UGT1A8: variants seen among roughly 807,000 people sequenced by gnomAD.
The protein encoded by UGT1A8 is UDP-glucuronosyltransferase 1A8.
Under a neutral mutation model 45.3 loss-of-function variants are expected in UGT1A8, and 39 were observed. The ratio of observed to expected loss-of-function variants is 0.86; its 90% CI spans 0.67 to 1.12. The LOEUF is 1.12. Ranked by LOEUF, UGT1A8 falls within the 50% of genes most tolerant of loss-of-function variation. The pLI, the probability that UGT1A8 is intolerant of heterozygous loss-of-function variation, is 0.00. For missense variants in UGT1A8, 719 were observed against 664.9 expected (o/e 1.08, Z -0.90); for synonymous variants, 275 against 249.2 (o/e 1.10, Z -0.97).
chr2:233,656,033 C>CCAGAGA (rs1364405222), intron 1 of UGT1A8, among the ~76,000 whole-genome samples: 1 of 152,000 alleles, frequency 6.6e-6, no homozygotes, highest in Admixed American at 6.6e-5. Context: ...CTGGCAAATA[C>CCAGAGA]CAGAGACAGG....
intron 1 of UGT1A8, among the ~76,000 whole-genome samples, chr2:233,620,403 T>G (rs2072979809): frequency 6.6e-6 from 1 of 152,194 alleles, no homozygotes; most frequent in Non-Finnish European, 1.5e-5. Flanking sequence ...TGTGAGGCTC[T>G]GCCACTTCCT....
intron 1 of UGT1A8, among the ~76,000 whole-genome samples, chr2:233,658,909 T>C (rs901301616): frequency 6.6e-6 from 1 of 152,238 alleles, no homozygotes; most frequent in Non-Finnish European, 1.5e-5. Flanking sequence ...TTTTCAAAGT[T>C]GTTTTTGCTA....
rs1191326510 is a variant in UGT1A8, at chr2:233,652,606, C to T, written c.855+34044C>T. On this transcript the variant is annotated intron_variant, in intron 1 of 4. Transcript: ENST00000373450. ...GCATAATGAAATTTCCCCTAATTGT[C>T]TCAAAAATGTCTTGTACATGCAGAT... Among the ~76,000 whole-genome samples, 8 of 152,136 alleles carry T rather than the reference C, an allele frequency of 5.3e-5. No homozygotes were observed. The East Asian group carries it at 1.5e-3, about 29-fold the overall frequency.
intron 1 of UGT1A8, among the ~76,000 whole-genome samples, chr2:233,702,170 C>T (rs970119817): frequency 7.2e-5 from 11 of 152,194 alleles, no homozygotes; most frequent in African/African-American, 1.4e-4. Flanking sequence ...AGTCACTCTT[C>T]TTTCTCTCCT....
chr2:233,769,433 A>G lies in UGT1A8; in HGVS notation c.1295+994A>G. The G allele has an allele frequency of 6.5e-7, 1 of 1,549,602 alleles. No homozygotes were observed. Among genetic ancestry groups the G allele is most frequent in the Non-Finnish European group, 8.9e-7 (1 of 1,128,216 alleles). ...TGCGTTTGTGCATGTGGCTGTGCTC[A>G]TGTGTGGGTGCACACGTGTGCATTC... is the stretch of plus-strand genomic sequence containing the variant. On this transcript the variant is annotated intron_variant, in intron 4 of 4. Coordinates refer to ENST00000373450, the MANE Select transcript of UGT1A8 (RefSeq NM_019076.5). This position sits in a 1 kb window ranked among gnomAD's most constrained non-coding sequence, Gnocchi z 4.4.
chr2:233,642,521 C>G (rs764178455), intron 1 of UGT1A8, among the ~76,000 whole-genome samples: 9 of 152,176 alleles, frequency 5.9e-5, no homozygotes, highest in Non-Finnish European at 1.0e-4. Context: ...GTCCCTGGCA[C>G]CTTATTTAAT....
chr2:233,724,899 C>G lies in UGT1A8; in HGVS notation c.856-42135C>G, dbSNP rs1488264154. On this transcript the variant is annotated intron_variant, in intron 1 of 4. Transcript: ENST00000373450. ...CGGAGATCACGCCACTGCACTCCAGCCTGGGCACCATTGAGCACTGAGTGA... is the reference window on the plus strand; with the variant it reads ...CGGAGATCACGCCACTGCACTCCAGGCTGGGCACCATTGAGCACTGAGTGA... Among the ~76,000 whole-genome samples the G allele has an allele frequency of 2.9e-5, 4 of 138,200 alleles. No homozygotes were observed. In the East Asian group the frequency reaches 8.6e-4, roughly 30 times the overall value. The allele number at this position is 138,200 out of a possible 152,430, so 90.7% of individuals were successfully genotyped here.
intron 1 of UGT1A8, among the ~76,000 whole-genome samples, chr2:233,632,513 A>C (rs567672654): frequency 7.2e-5 from 11 of 152,112 alleles, no homozygotes; most frequent in Non-Finnish European, 1.0e-4. Flanking sequence ...TATTTACTTG[A>C]GCAGTGGTTT....
chr2:233,753,656 A>G (rs554176629), intron 1 of UGT1A8: 2 of 152,198 alleles, frequency 1.3e-5, no homozygotes, highest in Non-Finnish European at 2.9e-5. Flanking sequence ...TACTTTCTCA[A>G]TTGTGTGTAT....
Position 233,655,652 on chromosome 2 carries a change from A to G in UGT1A8, c.855+37090A>G, listed in dbSNP as rs116013722. Among the ~76,000 whole-genome samples the G allele has an allele frequency of 1.8e-3, 278 of 151,994 alleles. 4 individuals carry two copies. Among genetic ancestry groups the G allele is most frequent in the African/African-American group, 6.3e-3 (262 of 41,470 alleles). On this transcript the variant is annotated intron_variant, in intron 1 of 4. Transcript: ENST00000373450. ...CACAGACTCTTCTCTTGTAGGGGAT[A>G]TGGGGGTGGGTGATCACTGTCCTGG...
intron 1 of UGT1A8, among the ~76,000 whole-genome samples, chr2:233,650,491 A>G (rs2073712304): frequency 6.6e-6 from 1 of 152,168 alleles, no homozygotes; most frequent in African/African-American, 2.4e-5. Flanking sequence ...AGCAAGATGA[A>G]TTGTTTCCTT....
At chr2:233,624,289 T>G (rs1166991730) in intron 1 of UGT1A8, among the ~76,000 whole-genome samples, 1 of 152,112 alleles carries the variant, frequency 6.6e-6, no homozygotes. Flanking sequence ...ACTTTCCTTG[T>G]TTTTGGTGAC....
chr2:233,632,497 C>T (rs1458361530), intron 1 of UGT1A8, among the ~76,000 whole-genome samples: 1 of 152,070 alleles, frequency 6.6e-6, no homozygotes. Context: ...TGTTTGTGTC[C>T]TCTCTTATTT....
chr2:233,682,237 ACCATTG>A, intron 1 of UGT1A8: 1 of 1,614,202 alleles, frequency 6.2e-7, no homozygotes, highest in Non-Finnish European at 8.5e-7. Flanking sequence ...GCTGGACGGC[ACCATTG>A]CGAAGTGCAT....
In UGT1A8 at chr2:233,635,683, C is replaced by A. The variant is rs577211755; in HGVS notation, c.855+17121C>A. Among the ~76,000 whole-genome samples, 3 of 150,964 alleles carry A rather than the reference C, an allele frequency of 2.0e-5. 1 individual carries two copies. Among genetic ancestry groups the A allele is most frequent in the Admixed American group, 1.3e-4 (2 of 15,068 alleles). On this transcript the variant is annotated intron_variant, in intron 1 of 4. Transcript: ENST00000373450. ...GGGTAAAAACACAGAGATGGCATCA[C>A]CTCTGACTTCCAGGAGTCCTCAGCA...
chr2:233,651,910 G>A (rs1278732602), intron 1 of UGT1A8, among the ~76,000 whole-genome samples: 1 of 152,008 alleles, frequency 6.6e-6, no homozygotes, highest in Non-Finnish European at 1.5e-5. Flanking sequence ...CTATCCAGGG[G>A]AATTACATCC....
chr2:233,663,263 C>T (rs886423050), intron 1 of UGT1A8, among the ~76,000 whole-genome samples: 2 of 152,154 alleles, frequency 1.3e-5, no homozygotes, highest in East Asian at 1.9e-4. Context: ...CAGAACTAGC[C>T]GTGTGGTAGA....
At chr2:233,746,748 A>G in intron 1 of UGT1A8, among the ~76,000 whole-genome samples, 1 of 151,864 alleles carries the variant, frequency 6.6e-6, no homozygotes. Flanking sequence ...GTTCCAAAGC[A>G]GAGATTAATT....
chr2:233,646,410 G>A (rs1435172653), intron 1 of UGT1A8, among the ~76,000 whole-genome samples: 2 of 152,126 alleles, frequency 1.3e-5, no homozygotes, highest in Admixed American at 6.5e-5. Context: ...CAGAAAATGG[G>A]ATTTTCTTTT....
Sources: allele counts gnomAD v4.1 joint callset (sites outside exome capture counted in the v4.1 genomes callset), GRCh38; gene constraint gnomAD v4.1.1; non-coding constraint Gnocchi (gnomAD v3.1); transcripts MANE v1.5; gene names NCBI Gene and HGNC (gene_info 2026-07-23, HGNC 2026-07-21).